The following OOSP1 variants were observed in gnomAD, a reference collection of about 807,000 sequenced individuals.
OOSP1 encodes the protein putative oocyte-secreted protein 1 homolog.
OOSP1 carries 11 observed loss-of-function variants against 5.7 expected under a neutral mutation model. That is an observed-to-expected ratio of 1.94 (90% CI 1.22 to 3.20). The LOEUF (loss-of-function observed/expected upper bound fraction) is 3.20. OOSP1 is among the 30% of genes most tolerant of loss of function. OOSP1 has a pLI of 0.00. For synonymous variants in OOSP1, 44 were observed against 20.0 expected (o/e 2.20, Z -3.20); for missense variants, 83 against 54.1 (o/e 1.53, Z -1.67).
rs1301657844 is a variant in OOSP1, at chr11:59,939,345, G to T, written c.76+815G>T. Among the ~76,000 whole-genome samples the T allele has an allele frequency of 2.0e-5, 3 of 151,166 alleles. No individual in the cohort carries two copies. The South Asian group carries it at 6.3e-4, about 32-fold the overall frequency. ...GGGCTCACTACAGCCTCTGCCTCCC[G>T]GGTTCATGTGATTCTTGTGCCTCAG... On this transcript the variant is annotated intron_variant, in intron 1 of 4. Transcript: ENST00000646685.
At chr11:59,939,512 A>G (rs1853803138) in intron 1 of OOSP1, among the ~76,000 whole-genome samples, 1 of 152,122 alleles carries the variant, frequency 6.6e-6, no homozygotes, top group African/African-American at 2.4e-5. Flanking sequence ...TCGGTCTCCC[A>G]AAGTGCTGGT....
intron 1 of OOSP1, among the ~76,000 whole-genome samples, chr11:59,940,668 A>T (rs1218475410): frequency 6.6e-6 from 1 of 152,142 alleles, no homozygotes. Context: ...TTTGTATTTG[A>T]GTGGTTTCTT....
chr11:59,949,698 T>C (rs1364568073), intron 4 of OOSP1, among the ~76,000 whole-genome samples: 2 of 152,096 alleles, frequency 1.3e-5, no homozygotes, highest in Non-Finnish European at 2.9e-5. Flanking sequence ...TGAAATAAGA[T>C]GGGCACCCCC....
chr11:59,954,290 C>A (rs1050408551), intron 4 of OOSP1, among the ~76,000 whole-genome samples: 1 of 152,040 alleles, frequency 6.6e-6, no homozygotes, highest in African/African-American at 2.4e-5. Flanking sequence ...GTTTCTGTTG[C>A]AACTACTCAG....
At chr11:59,952,424 C>CAT (rs2134573885) in intron 4 of OOSP1, among the ~76,000 whole-genome samples, 1 of 152,106 alleles carries the variant, frequency 6.6e-6, no homozygotes, top group East Asian at 1.9e-4. Flanking sequence ...AAATGTGGTC[C>CAT]ATATATATAC....
At chr11:59,939,796 T>A (rs1853807010) in intron 1 of OOSP1, among the ~76,000 whole-genome samples, 1 of 151,912 alleles carries the variant, frequency 6.6e-6, no homozygotes, top group Non-Finnish European at 1.5e-5. Flanking sequence ...CTTTTCTTTT[T>A]CTCTTTCTCT....
exon 1 of OOSP1, chr11:59,938,471 G>A: frequency 1.6e-6 from 1 of 626,394 alleles, no homozygotes; most frequent in Admixed American, 2.4e-5. Flanking sequence ...ACCATTCTGG[G>A]GTTCAAAGGG....
chr11:59,949,203 C>T (rs1853915478), intron 4 of OOSP1, among the ~76,000 whole-genome samples: 1 of 152,100 alleles, frequency 6.6e-6, no homozygotes, highest in Non-Finnish European at 1.5e-5. Flanking sequence ...TTCATTTATT[C>T]CACAAAGAAT....
At chr11:59,943,508 T>G (rs1853852324) in intron 2 of OOSP1, among the ~76,000 whole-genome samples, 1 of 152,218 alleles carries the variant, frequency 6.6e-6, no homozygotes, top group African/African-American at 2.4e-5. Flanking sequence ...TGCTAAATGC[T>G]TTTCTCTTGT....
Position 59,939,322 on chromosome 11 carries a change from G to T in OOSP1, c.76+792G>T, listed in dbSNP as rs576970367. Among the ~76,000 whole-genome samples the T allele has an allele frequency of 2.3e-4, 35 of 151,566 alleles. 1 individual carries two copies. The highest frequency in any genetic ancestry group is 2.0e-3 in the Admixed American group (30 of 15,214). ...GCTGGAGTGCAGTGGTATGATCTGG[G>T]CTCACTACAGCCTCTGCCTCCCGGG... On this transcript the variant is annotated intron_variant, in intron 1 of 4. Transcript: ENST00000646685.
rs116223460 is a variant in OOSP1 at position 59,940,713 on chromosome 11, G to C, written c.77-2134G>C. On this transcript the variant is annotated intron_variant, in intron 1 of 4. Transcript: ENST00000646685. ...GCATATCTAGGAATGGGACTGTGAG[G>C]CCACAGGTACAGATCTGAAAAGTAA... 2.8e-3 allele frequency among the ~76,000 whole-genome samples: 431 copies of C among 152,296 alleles called. 4 individuals are homozygous for C. The highest frequency in any genetic ancestry group is 9.4e-3 in the African/African-American group (389 of 41,546).
At chr11:59,944,572 C>T (rs887312184) in intron 2 of OOSP1, among the ~76,000 whole-genome samples, 1 of 152,162 alleles carries the variant, frequency 6.6e-6, no homozygotes, top group East Asian at 1.9e-4. Context: ...TATTGAGAAC[C>T]ATATGCTAAA....
In OOSP1 at chr11:59,954,628, T is replaced by TC. The variant is rs1204655675; in HGVS notation, c.487-2567_487-2566insC. The stretch of plus-strand genomic sequence containing the variant: ...TTCCACCAGAGAAAAGTGAAGGGAC[T>TC]TTATCTATCTATCTATCTATCTATC... On this transcript the variant is annotated intron_variant, in intron 4 of 4. Coordinates refer to ENST00000646685, the Ensembl canonical transcript of OOSP1. Among the ~76,000 whole-genome samples, 18 of 134,272 alleles carry TC rather than the reference T, an allele frequency of 1.3e-4. 1 individual carries two copies. In the South Asian group the frequency reaches 3.0e-3, roughly 22 times the overall value. 88.1% of individuals were successfully genotyped at this position (134,272 alleles called of 152,430 possible).
intron 3 of OOSP1, among the ~76,000 whole-genome samples, chr11:59,947,257 C>T (rs1299175446): frequency 2.0e-5 from 3 of 152,056 alleles, no homozygotes; most frequent in Admixed American, 2.0e-4. Context: ...TTTTTTCCTT[C>T]TGCTAACTCA....
Position 59,948,672 on chromosome 11 carries a change from G to A in OOSP1, c.486+810G>A, listed in dbSNP as rs972649700. On this transcript the variant is annotated intron_variant, in intron 4 of 4. Transcript: ENST00000646685. ...AGGGAAGTAATGTTTACATTGGGAC[G>A]TATATTTTACTGTCTTTCTTCCATT... 24 of 397,456 alleles carry A rather than the reference G, an allele frequency of 6.0e-5. No homozygotes were observed. The South Asian group carries it at 1.5e-3, about 25-fold the overall frequency. 24.6% of individuals were successfully genotyped at this position (397,456 alleles called of 1,614,324 possible). A position where few individuals can be genotyped will look rare whatever the true frequency, so the allele number is the denominator to read the frequency against.
chr11:59,949,520 G>T (rs1040874534), intron 4 of OOSP1, among the ~76,000 whole-genome samples: 1 of 151,992 alleles, frequency 6.6e-6, no homozygotes, highest in Non-Finnish European at 1.5e-5. Flanking sequence ...AAAAGAATAT[G>T]GGAACAGCTG....
At chr11:59,948,746 T>C (rs1171946455) in intron 4 of OOSP1, 1 of 398,048 alleles carries the variant, frequency 2.5e-6, no homozygotes, top group African/African-American at 2.1e-5. Context: ...AATGAGTACC[T>C]TTATTGCAAG....
At chr11:59,945,620 G>A (rs1853874336) in intron 3 of OOSP1, among the ~76,000 whole-genome samples, 1 of 151,544 alleles carries the variant, frequency 6.6e-6, no homozygotes, top group South Asian at 2.1e-4. Flanking sequence ...CATGGTGGGG[G>A]GTTGCCTGTA....
At chr11:59,947,608 C>A in intron 3 of OOSP1, 125 bp from the exon 4 acceptor site, 3 of 392,086 alleles carry the variant, frequency 7.7e-6, no homozygotes, top group Non-Finnish European at 1.4e-5. Flanking sequence ...GGAGTGGTGG[C>A]GGGAAGCAGA....
Sources: allele counts gnomAD v4.1 joint callset (sites outside exome capture counted in the v4.1 genomes callset), GRCh38; gene constraint gnomAD v4.1.1; transcripts MANE v1.5; gene names NCBI Gene and HGNC (gene_info 2026-07-23, HGNC 2026-07-21).